GON4L: variants seen among roughly 807,000 people sequenced by gnomAD.
The protein encoded by GON4L is GON-4-like protein.
A neutral mutation model predicts 211.8 loss-of-function variants in GON4L; 87 were observed. The ratio of observed to expected loss-of-function variants is 0.41; its 90% CI spans 0.35 to 0.49. The LOEUF (loss-of-function observed/expected upper bound fraction) is 0.49. GON4L is among the 20% of genes least tolerant of loss of function. The probability of loss-of-function intolerance (pLI) is 0.15; values close to 1 mark genes in which losing one functional copy is unlikely to be tolerated. For synonymous variants in GON4L, 875 were observed against 962.6 expected (o/e 0.91, Z 1.68); for missense variants, 2,155 against 2,659.5 (o/e 0.81, Z 4.17).
At chr1:155,748,399 G>A (rs1660340361), downstream of GON4L, 1 of 1,609,250 alleles carries the variant, frequency 6.2e-7, no homozygotes, top group African/African-American at 1.3e-5. Flanking sequence ...TCTTCTTACA[G>A]GCCATTCTGC....
rs144493358 is a variant in GON4L at position 155,853,649 on chromosome 1, C to T, written c.132G>A (p.Ser44=). Residue 44 remains serine, a synonymous_variant, in exon 2 of 32, where the codon TCG becomes TCA. Coordinates refer to ENST00000368331, the MANE Select transcript of GON4L (RefSeq NM_001282860.2). Reference sequence around the variant, plus strand: ...GACTTGGATCCCAGGATAGTGACACCGAACTCAAGTCCTTAACCTGGTCAG... The same window carrying T: ...GACTTGGATCCCAGGATAGTGACACTGAACTCAAGTCCTTAACCTGGTCAG... ...PESDQVKDLS[S]VSLSWDPSHG... The T allele has an allele frequency of 8.7e-6, 14 of 1,613,980 alleles. No homozygotes were observed. The highest frequency in any genetic ancestry group is 3.3e-5 in the South Asian group (3 of 91,084).
chr1:155,778,618 G>A (rs1171863874), intron 14 of GON4L, among the ~76,000 whole-genome samples: 1 of 152,118 alleles, frequency 6.6e-6, no homozygotes, highest in Non-Finnish European at 1.5e-5. Flanking sequence ...ACAGGTAAAC[G>A]TGCACCTTGG....
intron 2 of GON4L, among the ~76,000 whole-genome samples, chr1:155,841,509 C>T (rs1473306767): frequency 6.6e-6 from 1 of 152,132 alleles, no homozygotes; most frequent in Non-Finnish European, 1.5e-5. Context: ...TATTTTTTGG[C>T]TTCTGGTTTT....
chr1:155,756,857 AGGT>A, intron 27 of GON4L, 98 bp downstream of exon 27: 1 of 795,278 alleles, frequency 1.3e-6, no homozygotes. Flanking sequence ...TGAATCTGGG[AGGT>A]GGAGGTTGCA....
chr1:155,854,891 C>T (rs891181227), intron 1 of GON4L, among the ~76,000 whole-genome samples: 2 of 152,008 alleles, frequency 1.3e-5, no homozygotes. Context: ...CAAAATTAGC[C>T]GGGCGTGGTG....
At chr1:155,779,916 GC>G in intron 14 of GON4L, among the ~76,000 whole-genome samples, 1 of 152,090 alleles carries the variant, frequency 6.6e-6, no homozygotes, top group East Asian at 1.9e-4. Flanking sequence ...TCCTGCCTCA[GC>G]CTCCAGAGTA....
chr1:155,828,342 T>A (rs938083725), intron 2 of GON4L, among the ~76,000 whole-genome samples: 1 of 151,022 alleles, frequency 6.6e-6, no homozygotes, highest in Non-Finnish European at 1.5e-5. Context: ...AATACAAAAA[T>A]AAGCCAGGCA....
At chr1:155,839,363 T>C (rs1199383396) in intron 2 of GON4L, among the ~76,000 whole-genome samples, 1 of 151,994 alleles carries the variant, frequency 6.6e-6, no homozygotes, top group Non-Finnish European at 1.5e-5. Context: ...GGAAAAGTAG[T>C]ATAGGCCAGG....
At chr1:155,823,579 T>C (rs1271323571) in intron 3 of GON4L, among the ~76,000 whole-genome samples, 2 of 152,066 alleles carry the variant, frequency 1.3e-5, no homozygotes, top group Non-Finnish European at 2.9e-5. Flanking sequence ...TAAGAAAAAT[T>C]ACGTGTCCAT....
chr1:155,762,273 A>G lies in GON4L; in HGVS notation c.4828T>C (p.Leu1610=), dbSNP rs1215868531. The G allele has an allele frequency of 1.2e-6, 2 of 1,613,440 alleles. No homozygotes were observed. The highest frequency in any genetic ancestry group is 1.7e-6 in the Non-Finnish European group (2 of 1,179,680). Residue 1610 remains leucine, a synonymous_variant, in exon 23 of 32, where the codon TTG becomes CTG. Transcript: ENST00000368331. The part of the protein sequence containing the change: ...RASKDTSKLL[L]LYDEDILERD... ...TCGAGAATGTCCTCATCATACAGCAACAGCAGCTTGGAGGTGTCCTTGCTG... is the reference window on the plus strand; with the variant it reads ...TCGAGAATGTCCTCATCATACAGCAGCAGCAGCTTGGAGGTGTCCTTGCTG...
downstream of GON4L, chr1:155,748,745 C>T (rs538788526): frequency 3.2e-5 from 51 of 1,613,976 alleles, no homozygotes; most frequent in Non-Finnish European, 4.1e-5. Context: ...GTTGCTTTGC[C>T]CAGTCAGTGG....
chr1:155,753,497 T>C, intron 28 of GON4L, 83 bp from the exon 29 acceptor site: 1 of 1,005,702 alleles, frequency 9.9e-7, no homozygotes, highest in South Asian at 1.4e-5. Context: ...AAGCCCTGCC[T>C]GATGCTCATC....
chr1:155,833,646 CAAAAAAAAAAAAAA>C (rs59340708), intron 2 of GON4L, among the ~76,000 whole-genome samples: 9 of 16,408 alleles, frequency 5.5e-4, no homozygotes, highest in African/African-American at 2.5e-3. Flanking sequence ...ACTCTGTCTC[CAAAAAAAAAAAAAA>C]AAAAAAAAAA....
At chr1:155,834,827 C>T (rs762619862) in intron 2 of GON4L, among the ~76,000 whole-genome samples, 27 of 151,912 alleles carry the variant, frequency 1.8e-4, no homozygotes, top group Non-Finnish European at 3.5e-4. Context: ...TCCGCCCCTT[C>T]GCCTCTGCCC....
chr1:155,841,281 T>C (rs1336945595), intron 2 of GON4L, among the ~76,000 whole-genome samples: 1 of 152,196 alleles, frequency 6.6e-6, no homozygotes, highest in African/African-American at 2.4e-5. Context: ...ACTATTCAAT[T>C]CCTCCAGGCC....
At chr1:155,745,826 A>C (rs1382126042), downstream of GON4L, 4 of 628,410 alleles carry the variant, frequency 6.4e-6, no homozygotes, top group Non-Finnish European at 1.1e-5. Flanking sequence ...GGAGCAGCGC[A>C]GTATGGCGGG....
At chr1:155,807,930 T>C (rs1264337853) in intron 10 of GON4L, among the ~76,000 whole-genome samples, 1 of 152,056 alleles carries the variant, frequency 6.6e-6, no homozygotes, top group Non-Finnish European at 1.5e-5. Context: ...AACCTGCTAA[T>C]GGGTTTCTGT....
chr1:155,770,023 TAAA>T (rs59380170), intron 19 of GON4L, among the ~76,000 whole-genome samples: 283 of 43,694 alleles, frequency 6.5e-3, no homozygotes, highest in African/African-American at 0.013. Flanking sequence ...CTCCATTTCT[TAAA>T]AAAAAAAAAA....
intron 2 of GON4L, among the ~76,000 whole-genome samples, chr1:155,842,504 A>T (rs2102421364): frequency 7.1e-6 from 1 of 141,178 alleles, no homozygotes; most frequent in Non-Finnish European, 1.5e-5. Context: ...AGCCTGGGCG[A>T]CAGAGCGAGA....
Sources: allele counts gnomAD v4.1 joint callset (sites outside exome capture counted in the v4.1 genomes callset), GRCh38; gene constraint gnomAD v4.1.1; transcripts MANE v1.5; gene names NCBI Gene and HGNC (gene_info 2026-07-23, HGNC 2026-07-21).